The following PARD3B variants were observed in gnomAD, a reference collection of about 807,000 sequenced individuals.
The protein encoded by PARD3B is par-3 family cell polarity regulator beta.
PARD3B carries 103 observed loss-of-function variants against 130.2 expected under a neutral mutation model. That is an observed-to-expected ratio of 0.79 (90% CI 0.67 to 0.93). PARD3B has a LOEUF of 0.93. Among genes scored for constraint, PARD3B ranks in the 40% least tolerant of loss-of-function variants. PARD3B has a pLI of 0.00. For missense variants in PARD3B, 1,609 were observed against 1,499.2 expected, an observed-to-expected ratio of 1.07 and a Z score of -1.21; for synonymous variants, 583 against 553.2, an observed-to-expected ratio of 1.05 and a Z score of -0.76.
At chr2:205,317,534 A>G (rs976335517) in intron 18 of PARD3B, among the ~76,000 whole-genome samples, 6 of 152,088 alleles carry the variant, frequency 3.9e-5, no homozygotes, top group Non-Finnish European at 5.9e-5. Flanking sequence ...AACTCATCCC[A>G]CTTTGAACAC....
At chr2:204,676,157 C>T (rs1484366410) in intron 1 of PARD3B, among the ~76,000 whole-genome samples, 1 of 150,810 alleles carries the variant, frequency 6.6e-6, no homozygotes, top group African/African-American at 2.4e-5. Flanking sequence ...GGGAGGAGAA[C>T]TATTTTAGAG....
At chr2:205,327,316 A>T (rs551547086) in intron 18 of PARD3B, among the ~76,000 whole-genome samples, 48 of 152,314 alleles carry the variant, frequency 3.2e-4, no homozygotes, top group Admixed American at 1.8e-3. Context: ...GCTAACGGGG[A>T]CACACCTGTT....
intron 16 of PARD3B, among the ~76,000 whole-genome samples, chr2:205,248,378 AT>A (rs1376112737): frequency 8.7e-6 from 1 of 115,180 alleles, no homozygotes; most frequent in East Asian, 2.8e-4. Flanking sequence ...TCTCATTGGG[AT>A]TTGGTGGTGG....
chr2:204,788,911 TTCC>T (rs2042103206), intron 2 of PARD3B, among the ~76,000 whole-genome samples: 1 of 152,220 alleles, frequency 6.6e-6, no homozygotes. Flanking sequence ...TGTAGAGCAT[TTCC>T]TCTACTGCTG....
intron 18 of PARD3B, among the ~76,000 whole-genome samples, chr2:205,363,450 A>G (rs1480976662): frequency 6.6e-6 from 1 of 152,232 alleles, no homozygotes; most frequent in African/African-American, 2.4e-5. Flanking sequence ...TGACTAAGAC[A>G]TACGAAGCAT....
chr2:205,175,479 A>T lies in PARD3B; in HGVS notation c.1792-966A>T, dbSNP rs150793121. On this transcript the variant is annotated intron_variant, in intron 12 of 22. Coordinates refer to ENST00000406610, the MANE Select transcript of PARD3B (RefSeq NM_001302769.2). ...TGGAATGTTTTAGATATTTTGTGTG[A>T]CTAGCTCAACACTGAATTTTTATAA... 2.3e-3 allele frequency among the ~76,000 whole-genome samples: 348 copies of T among 152,354 alleles called. 1 individual carries two copies. The highest frequency in any genetic ancestry group is 8.1e-3 in the African/African-American group (337 of 41,588).
Position 204,890,169 on chromosome 2 carries a change from C to A in PARD3B, c.223-74983C>A, listed in dbSNP as rs1393507353. Reference sequence around the variant, plus strand: ...GAGCACTCACCACACTGCAATCCATCTGGCCCCTGGCTGGCAGTCTAGGCA... The same window carrying A: ...GAGCACTCACCACACTGCAATCCATATGGCCCCTGGCTGGCAGTCTAGGCA... On this transcript the variant is annotated intron_variant, in intron 2 of 22. Coordinates refer to ENST00000406610, the MANE Select transcript of PARD3B (RefSeq NM_001302769.2). The surrounding 1 kb of genome is among the most constrained non-coding windows in gnomAD (Gnocchi z 4.9). Among the ~76,000 whole-genome samples, 1 of 152,226 alleles carries A rather than the reference C, an allele frequency of 6.6e-6. No individual in the cohort carries two copies. The highest frequency in any genetic ancestry group is 1.5e-5 in the Non-Finnish European group (1 of 68,048).
intron 2 of PARD3B, among the ~76,000 whole-genome samples, chr2:204,819,349 T>C (rs1402138157): frequency 6.6e-6 from 1 of 152,202 alleles, no homozygotes; most frequent in African/African-American, 2.4e-5. Context: ...TGATCAGTTA[T>C]CTTTGGTGTT....
intron 1 of PARD3B, among the ~76,000 whole-genome samples, chr2:204,622,451 A>G (rs945980921): frequency 1.3e-5 from 2 of 152,162 alleles, no homozygotes; most frequent in Non-Finnish European, 2.9e-5. Flanking sequence ...GATGAATCAG[A>G]AACTCTTTGA....
chr2:204,865,091 C>T (rs2125635461), intron 2 of PARD3B, among the ~76,000 whole-genome samples: 1 of 152,144 alleles, frequency 6.6e-6, no homozygotes, highest in Non-Finnish European at 1.5e-5. Context: ...CACCACCTCA[C>T]TCATGCAAGA....
At chr2:205,075,384 A>G (rs1700980237) in intron 4 of PARD3B, among the ~76,000 whole-genome samples, 1 of 152,130 alleles carries the variant, frequency 6.6e-6, no homozygotes, top group South Asian at 2.1e-4. Flanking sequence ...ATTGCATACA[A>G]TGATTAAATT....
chr2:204,999,478 A>G (rs1694644235), intron 3 of PARD3B, among the ~76,000 whole-genome samples: 1 of 152,236 alleles, frequency 6.6e-6, no homozygotes, highest in Admixed American at 6.5e-5. Flanking sequence ...ACTATTTAAA[A>G]TTGAATTCTG....
intron 18 of PARD3B, among the ~76,000 whole-genome samples, chr2:205,339,086 G>T (rs1331355562): frequency 6.6e-6 from 1 of 152,086 alleles, no homozygotes; most frequent in Non-Finnish European, 1.5e-5. Context: ...GTTTCAAGTT[G>T]TTTCACTGAA....
intron 20 of PARD3B, among the ~76,000 whole-genome samples, chr2:205,486,112 G>A (rs1056543485): frequency 6.6e-6 from 1 of 152,186 alleles, no homozygotes; most frequent in African/African-American, 2.4e-5. Flanking sequence ...ATTTTTCAGA[G>A]GGTTATTGGA....
intron 2 of PARD3B, among the ~76,000 whole-genome samples, chr2:204,957,083 G>T (rs1328556265): frequency 6.6e-6 from 1 of 152,210 alleles, no homozygotes; most frequent in East Asian, 1.9e-4. Context: ...ATGAGTGATT[G>T]TCCCTAAAAG....
At chr2:205,060,152 G>C (rs2125452773) in intron 4 of PARD3B, among the ~76,000 whole-genome samples, 1 of 152,076 alleles carries the variant, frequency 6.6e-6, no homozygotes, top group South Asian at 2.1e-4. Flanking sequence ...TCCACATTAT[G>C]CTGCCATTGC....
chr2:205,547,652 G>A, intron 21 of PARD3B, among the ~76,000 whole-genome samples: 1 of 152,048 alleles, frequency 6.6e-6, no homozygotes, highest in East Asian at 1.9e-4. Context: ...CAATCAGAAA[G>A]CCACCTCTCC....
chr2:204,927,612 G>A (rs1351223289), intron 2 of PARD3B, among the ~76,000 whole-genome samples: 6 of 152,208 alleles, frequency 3.9e-5, no homozygotes, highest in East Asian at 3.9e-4. Context: ...TAATTATAAC[G>A]TTAAACTCAT....
At chr2:204,680,635 G>A (rs1177331974) in intron 1 of PARD3B, among the ~76,000 whole-genome samples, 1 of 151,168 alleles carries the variant, frequency 6.6e-6, no homozygotes, top group Non-Finnish European at 1.5e-5. Context: ...TTGTTAATAT[G>A]TGCATTAAAG....
Sources: gnomAD v4.1 joint callset for allele counts (sites outside exome capture counted in the v4.1 genomes callset) on GRCh38, gnomAD v4.1.1 for gene constraint, Gnocchi (gnomAD v3.1) non-coding constraint, MANE v1.5 for transcripts, NCBI Gene and HGNC (gene_info 2026-07-23, HGNC 2026-07-21) for gene names.